The following RNF216 variants were observed in gnomAD, a reference collection of about 807,000 sequenced individuals.
RNF216 encodes the protein ring finger protein 216, also known as E3 ubiquitin-protein ligase RNF216.
Under a neutral mutation model 110.8 loss-of-function variants are expected in RNF216, and 72 were observed. The ratio of observed to expected loss-of-function variants is 0.65; its 90% CI spans 0.54 to 0.79. The LOEUF (loss-of-function observed/expected upper bound fraction) is 0.79. RNF216 is among the 30% of genes least tolerant of loss of function. The pLI is 0.00. For synonymous variants in RNF216, 495 were observed against 407.5 expected (o/e 1.21, Z -2.59); for missense variants, 1,342 against 1,141.2 (o/e 1.18, Z -2.54).
chr7:5,733,875 G>A (rs1282585555), intron 5 of RNF216, among the ~76,000 whole-genome samples: 1 of 152,134 alleles, frequency 6.6e-6, no homozygotes, highest in African/African-American at 2.4e-5. Flanking sequence ...ACACATATAA[G>A]TTGCTTTTTA....
At chr7:5,776,825 T>A (rs1436322026) in intron 1 of RNF216, among the ~76,000 whole-genome samples, 1 of 129,264 alleles carries the variant, frequency 7.7e-6, no homozygotes, top group Non-Finnish European at 1.6e-5. Context: ...GGCTTGAACC[T>A]GGGAGGAGGA....
At chr7:5,703,129 CAT>C (rs903448330) in intron 13 of RNF216, among the ~76,000 whole-genome samples, 4 of 152,220 alleles carry the variant, frequency 2.6e-5, no homozygotes, top group Admixed American at 6.5e-5. Flanking sequence ...CACCCTCCTT[CAT>C]ATTTGACTCA....
intron 6 of RNF216, among the ~76,000 whole-genome samples, chr7:5,729,843 G>A (rs1190900547): frequency 3.9e-5 from 6 of 152,166 alleles, no homozygotes; most frequent in African/African-American, 1.4e-4. Context: ...CAATCTTACA[G>A]CCATCTTCTT....
At chr7:5,769,597 A>C (rs1220060903) in intron 1 of RNF216, among the ~76,000 whole-genome samples, 1 of 151,602 alleles carries the variant, frequency 6.6e-6, no homozygotes, top group Non-Finnish European at 1.5e-5. Context: ...GGTGGCATGC[A>C]CCTGTGGTAC....
At chr7:5,758,659 G>A (rs542738266) in intron 2 of RNF216, among the ~76,000 whole-genome samples, 1 of 152,286 alleles carries the variant, frequency 6.6e-6, no homozygotes, top group Non-Finnish European at 1.5e-5. Flanking sequence ...GGACTTGTGT[G>A]GGACCTCTTG....
At chr7:5,747,348 G>C (rs971335015) in intron 3 of RNF216, among the ~76,000 whole-genome samples, 1 of 152,202 alleles carries the variant, frequency 6.6e-6, no homozygotes, top group Non-Finnish European at 1.5e-5. Context: ...GGGACCAGGG[G>C]AAGGAGAGGG....
chr7:5,637,325 T>C (rs1189252200), intron 15 of RNF216, among the ~76,000 whole-genome samples: 1 of 152,178 alleles, frequency 6.6e-6, no homozygotes, highest in East Asian at 1.9e-4. Context: ...AAAAGCCTCC[T>C]TTTCTTCCAC....
At chr7:5,749,251 A>C (rs1186489984) in intron 3 of RNF216, among the ~76,000 whole-genome samples, 1 of 151,200 alleles carries the variant, frequency 6.6e-6, no homozygotes. Context: ...CCTGGGTTTA[A>C]GCGATTCTAC....
intron 1 of RNF216, among the ~76,000 whole-genome samples, chr7:5,779,024 G>A (rs1429537660): frequency 1.3e-5 from 2 of 152,238 alleles, no homozygotes; most frequent in Non-Finnish European, 2.9e-5. Context: ...GATTACGGGC[G>A]TGAGCCACAC....
chr7:5,660,262 A>AT (rs71547786), intron 13 of RNF216, among the ~76,000 whole-genome samples: 2 of 46,210 alleles, frequency 4.3e-5, no homozygotes, highest in Non-Finnish European at 1.1e-4. Flanking sequence ...CCTGTTTTAA[A>AT]TTCTTTTTTT....
chr7:5,682,253 T>A (rs1299658889), intron 13 of RNF216, among the ~76,000 whole-genome samples: 1 of 152,198 alleles, frequency 6.6e-6, no homozygotes, highest in African/African-American at 2.4e-5. Flanking sequence ...CCCTATCTTG[T>A]TCTGAAATCC....
At position 5,700,457 on chromosome 7, in the gene RNF216, G is replaced by A. The variant is rs555731842; in HGVS notation, c.2061+11304C>T. On this transcript the variant is annotated intron_variant, in intron 13 of 16. Transcript: ENST00000389902. ...CTAACATGCATCTCTCCCTTGATGA[G>A]GCCACAGACACAGAAAAATGTCATT... is the stretch of plus-strand genomic sequence containing the variant. Among the ~76,000 whole-genome samples the A allele has an allele frequency of 1.3e-3, 192 of 152,254 alleles. 1 individual carries two copies. The highest frequency in any genetic ancestry group is 4.5e-3 in the African/African-American group (185 of 41,540).
chr7:5,743,406 G>A (rs923847438), intron 3 of RNF216, among the ~76,000 whole-genome samples: 10 of 152,160 alleles, frequency 6.6e-5, no homozygotes, highest in African/African-American at 2.2e-4. Flanking sequence ...TAGAGACATT[G>A]TGAAGTTTGT....
Position 5,660,943 on chromosome 7 carries a change from G to GTTTTTT in RNF216, c.2062-8439_2062-8434dup, listed in dbSNP as rs1168463360. Among the ~76,000 whole-genome samples, 88 of 90,146 alleles carry GTTTTTT rather than the reference G, an allele frequency of 9.8e-4. 3 individuals carry two copies. The highest frequency in any genetic ancestry group is 4.3e-3 in the African/African-American group (78 of 18,266). The allele number at this position is 90,146 out of a possible 152,430, so 59.1% of individuals were successfully genotyped here. ...TAGCTCCATGCTCCTGAAGCCTTAG[G>GTTTTTT]TTTTTTTTTTTTTTTTTTTTTTTTT... On this transcript the variant is annotated intron_variant, in intron 13 of 16. Transcript: ENST00000389902.
At chr7:5,710,092 G>A (rs1180717255) in intron 13 of RNF216, among the ~76,000 whole-genome samples, 1 of 152,204 alleles carries the variant, frequency 6.6e-6, no homozygotes, top group Non-Finnish European at 1.5e-5. Context: ...GGGGGTGGTG[G>A]CTTACACCTG....
chr7:5,642,368 C>T (rs10256234), intron 14 of RNF216, among the ~76,000 whole-genome samples: 11,410 of 152,060 alleles, frequency 0.075, 887 homozygotes, highest in African/African-American at 0.2. Context: ...CGCCCACCAC[C>T]ATGCCCAGCT....
At chr7:5,718,655 A>G (rs1329245939) in intron 9 of RNF216, among the ~76,000 whole-genome samples, 1 of 151,832 alleles carries the variant, frequency 6.6e-6, no homozygotes, top group Non-Finnish European at 1.5e-5. Context: ...TGTTCAAGCA[A>G]TTCTCGTGCC....
intron 13 of RNF216, among the ~76,000 whole-genome samples, chr7:5,707,352 C>A (rs1450649513): frequency 6.6e-6 from 1 of 152,096 alleles, no homozygotes; most frequent in East Asian, 1.9e-4. Context: ...TTTACCCACT[C>A]CTTGGTTAAG....
chr7:5,633,138 C>T (rs1039881722), intron 15 of RNF216, among the ~76,000 whole-genome samples: 12 of 151,916 alleles, frequency 7.9e-5, no homozygotes, highest in Non-Finnish European at 1.8e-4. Flanking sequence ...CGCCCCATGC[C>T]CAGCTAATTT....
Sources: gnomAD v4.1 joint callset for allele counts (sites outside exome capture counted in the v4.1 genomes callset) on GRCh38, gnomAD v4.1.1 for gene constraint, MANE v1.5 for transcripts, NCBI Gene and HGNC (gene_info 2026-07-23, HGNC 2026-07-21) for gene names.